SARNP: variants seen among roughly 807,000 people sequenced by gnomAD.
The protein encoded by SARNP is SAP domain containing ribonucleoprotein, also known as SAP domain-containing ribonucleoprotein.
Under a neutral mutation model 38.1 loss-of-function variants are expected in SARNP, and 5 were observed. The ratio of observed to expected loss-of-function variants is 0.13; its 90% CI spans 0.07 to 0.28. The LOEUF (loss-of-function observed/expected upper bound fraction) is 0.28, where lower values mean the gene tolerates loss of function less well. Ranked by LOEUF, SARNP falls within the 10% of genes least tolerant of loss-of-function variation. The pLI is 1.00. For synonymous variants in SARNP, 84 were observed against 80.6 expected, an observed-to-expected ratio of 1.04 and a Z score of -0.23; for missense variants, 180 against 243.9, an observed-to-expected ratio of 0.74 and a Z score of 1.75.
intron 5 of SARNP, among the ~76,000 whole-genome samples, chr12:55,795,713 A>G (rs984520276): frequency 6.6e-6 from 1 of 152,208 alleles, no homozygotes; most frequent in Admixed American, 6.5e-5. Flanking sequence ...GCAACATAAG[A>G]GTCACATCTA....
At chr12:55,777,380 T>A (rs7133931) in intron 9 of SARNP, among the ~76,000 whole-genome samples, 24 of 151,488 alleles carry the variant, frequency 1.6e-4, no homozygotes, top group Non-Finnish European at 2.4e-4. Flanking sequence ...CTTTTTTTTT[T>A]ATTTTTTTTT....
intron 6 of SARNP, among the ~76,000 whole-genome samples, 196 bp downstream of exon 6, chr12:55,794,611 C>T (rs1415499397): frequency 6.6e-6 from 1 of 152,106 alleles, no homozygotes; most frequent in African/African-American, 2.4e-5. Flanking sequence ...TACAAAAACC[C>T]TTCTCAATAA....
At chr12:55,762,679 G>A (rs1359830958) in intron 9 of SARNP, 2 of 152,216 alleles carry the variant, frequency 1.3e-5, no homozygotes, top group African/African-American at 4.8e-5. Flanking sequence ...GTGTCTCTGG[G>A]TGTCCCAAAA....
intron 9 of SARNP, among the ~76,000 whole-genome samples, chr12:55,769,929 A>G (rs925316928): frequency 2.6e-5 from 4 of 152,186 alleles, no homozygotes; most frequent in African/African-American, 7.2e-5. Context: ...TTGACTTAAG[A>G]CGGGTTTTTA....
chr12:55,809,750 C>A (rs115029900), intron 1 of SARNP, among the ~76,000 whole-genome samples: 213 of 142,452 alleles, frequency 1.5e-3, no homozygotes, highest in Non-Finnish European at 1.9e-3. Context: ...TCTCAAAAAA[C>A]AAAAAAAAAA....
intron 9 of SARNP, among the ~76,000 whole-genome samples, chr12:55,771,872 T>C (rs1879019283): frequency 6.6e-6 from 1 of 152,060 alleles, no homozygotes; most frequent in African/African-American, 2.4e-5. Context: ...CAGGCGATGG[T>C]AGATTAATGA....
At chr12:55,767,453 G>T (rs1334279101) in intron 9 of SARNP, among the ~76,000 whole-genome samples, 1 of 152,026 alleles carries the variant, frequency 6.6e-6, no homozygotes, top group Non-Finnish European at 1.5e-5. Flanking sequence ...AGAGGCTGAT[G>T]GGGGAGGACT....
At chr12:55,803,265 C>T (rs1880038101) in intron 2 of SARNP, among the ~76,000 whole-genome samples, 1 of 151,944 alleles carries the variant, frequency 6.6e-6, no homozygotes, top group African/African-American at 2.4e-5. Flanking sequence ...GGGTGGCTCA[C>T]CTGAGGTCAG....
rs1385460722 is a variant in SARNP at position 55,774,581 on chromosome 12, A to C, written c.502-13941T>G. On this transcript the variant is annotated intron_variant, in intron 9 of 10. Transcript: ENST00000336133. ...ACTGAAAAAAAAAAAAAAACAAACA[A>C]AAAAAAAAAAACAAAAATTAGCCAG... Among the ~76,000 whole-genome samples the C allele has an allele frequency of 2.8e-3, 82 of 29,816 alleles. 5 individuals are homozygous for C. The highest frequency in any genetic ancestry group is 4.6e-3 in the African/African-American group (80 of 17,506). 19.6% of individuals were successfully genotyped at this position (29,816 alleles called of 152,430 possible). A position where few individuals can be genotyped will look rare whatever the true frequency, so the allele number is the denominator to read the frequency against.
chr12:55,800,716 C>CCCTTTTTTATAATCTG, intron 3 of SARNP, 87 bp from the exon 4 acceptor site: 1 of 1,305,720 alleles, frequency 7.7e-7, no homozygotes, highest in Non-Finnish European at 1.1e-6. Context: ...CAAAATAAAC[C>CCCTTTTTTATAATCTG]AGTCTCTCAG....
chr12:55,795,726 A>G (rs1036605546), intron 5 of SARNP, among the ~76,000 whole-genome samples: 1 of 152,194 alleles, frequency 6.6e-6, no homozygotes, highest in Non-Finnish European at 1.5e-5. Context: ...CACATCTACC[A>G]ATACATTTTC....
At chr12:55,765,603 C>T (rs1009896079) in intron 9 of SARNP, among the ~76,000 whole-genome samples, 1 of 152,052 alleles carries the variant, frequency 6.6e-6, no homozygotes, top group African/African-American at 2.4e-5. Flanking sequence ...CCTCGCCTCC[C>T]AAAGTGCTGG....
intron 7 of SARNP, chr12:55,793,950 A>T (rs561987727): frequency 5.1e-6 from 1 of 194,926 alleles, no homozygotes; most frequent in East Asian, 1.7e-4. Context: ...ATGCACATTC[A>T]AGACTATTTC....
intron 1 of SARNP, among the ~76,000 whole-genome samples, chr12:55,805,443 G>A (rs934741318): frequency 6.6e-6 from 1 of 152,224 alleles, no homozygotes; most frequent in Non-Finnish European, 1.5e-5. Flanking sequence ...CAGGGACAGT[G>A]GCTCACGCCT....
chr12:55,794,979 AAAAAG>A, intron 5 of SARNP, 99 bp from the exon 6 acceptor site: 2 of 656,482 alleles, frequency 3.0e-6, no homozygotes. Context: ...AAAAAAAAAA[AAAAAG>A]AGTCTCACTC....
chr12:55,757,051 T>G (rs1878527267), downstream of SARNP: 1 of 152,468 alleles, frequency 6.6e-6, no homozygotes. Context: ...ACTTGGTGGG[T>G]GGGTAACTTA....
intron 7 of SARNP, chr12:55,793,496 C>T (rs1322172495): frequency 6.6e-6 from 1 of 151,884 alleles, no homozygotes; most frequent in Non-Finnish European, 1.5e-5. Context: ...ATCCACCACA[C>T]TCAAGTCCTG....
intron 9 of SARNP, among the ~76,000 whole-genome samples, chr12:55,777,603 T>C (rs1349804399): frequency 2.6e-5 from 4 of 152,160 alleles, no homozygotes; most frequent in Non-Finnish European, 5.9e-5. Context: ...CTCGATCTCC[T>C]GACCTCATGA....
intron 9 of SARNP, among the ~76,000 whole-genome samples, chr12:55,772,280 G>A (rs562659802): frequency 1.3e-5 from 2 of 152,240 alleles, no homozygotes; most frequent in South Asian, 2.1e-4. Flanking sequence ...TTTCAAGTGT[G>A]AGATCAGTAT....
Sources: gnomAD v4.1 joint callset for allele counts (sites outside exome capture counted in the v4.1 genomes callset) on GRCh38, gnomAD v4.1.1 for gene constraint, MANE v1.5 for transcripts, NCBI Gene and HGNC (gene_info 2026-07-23, HGNC 2026-07-21) for gene names.